The following USP30 variants were observed in gnomAD, a reference collection of about 807,000 sequenced individuals.
The protein encoded by USP30 is ubiquitin specific peptidase 30.
In USP30, 41 loss-of-function variants were observed where a neutral mutation model predicts 68.2. The observed-to-expected ratio is 0.60, with a 90% confidence interval of 0.47 to 0.78. The LOEUF (loss-of-function observed/expected upper bound fraction) is 0.78. Ranked by LOEUF, USP30 falls within the 30% of genes least tolerant of loss-of-function variation. The pLI, the probability that USP30 is intolerant of heterozygous loss-of-function variation, is 0.00. For missense variants in USP30, 522 were observed against 649.4 expected (o/e 0.80, Z 2.13); for synonymous variants, 229 against 253.7 (o/e 0.90, Z 0.93).
chr12:109,058,229 A>G (rs767353367), intron 3 of USP30, 121 bp downstream of exon 3: 10 of 1,118,578 alleles, frequency 8.9e-6, no homozygotes, highest in Admixed American at 7.9e-5. Context: ...ATCATTATGA[A>G]TAAACAACAC....
chr12:109,082,051 C>T, intron 9 of USP30, 32 bp downstream of exon 9: 1 of 1,610,154 alleles, frequency 6.2e-7, no homozygotes, highest in Non-Finnish European at 8.5e-7. Flanking sequence ...TCATCGCCAG[C>T]TGGCCTGTGT....
At chr12:109,067,496 A>G (rs372272675) in intron 3 of USP30, 28 bp from the exon 4 acceptor site, 43 of 1,592,094 alleles carry the variant, frequency 2.7e-5, no homozygotes, top group Non-Finnish European at 3.4e-5. Context: ...GATGAATTTA[A>G]TAATTGTCTT....
In USP30 at chr12:109,083,026, C is replaced by A. The variant is rs1335667410; in HGVS notation, c.1132C>A (p.Leu378Met). Residue 378 changes from leucine (L) to methionine (M), a missense_variant, in exon 11 of 13, where the codon CTG becomes ATG. By Grantham distance (15) the Leu-to-Met change is conservative. Transcript: ENST00000257548. The part of the protein sequence containing the change: ...PKLNKNPGPT[L>M]ELQDGPGAPT... ...ACTGAACAAGAACCCAGGGCCTACA[C>A]TGGAGCTGCAGGATGGGCCGGGAGC... The A allele has an allele frequency of 6.2e-7, 1 of 1,613,346 alleles. No individual in the cohort carries two copies. Among genetic ancestry groups the A allele is most frequent in the Admixed American group, 1.7e-5 (1 of 59,932 alleles).
At position 109,067,275 on chromosome 12, in the gene USP30, G is replaced by A. The variant is rs373924577; in HGVS notation, c.377-249G>A. The stretch of plus-strand genomic sequence containing the variant: ...ACTACAGGCACCCACCACCACGCCC[G>A]GCTAATTTTTTTTTTTTATTTTTAG... On this transcript the variant is annotated intron_variant, in intron 3 of 12. Transcript: ENST00000257548. 4.8e-3 allele frequency among the ~76,000 whole-genome samples: 544 copies of A among 114,130 alleles called. 6 individuals carry two copies. The highest frequency in any genetic ancestry group is 0.013 in the African/African-American group (511 of 38,544). 74.9% of individuals were successfully genotyped at this position (114,130 alleles called of 152,430 possible).
Position 109,057,892 on chromosome 12 carries a change from T to C in USP30, c.194-34T>C, listed in dbSNP as rs745397830. On this transcript the variant is annotated intron_variant, in intron 2 of 12. Coordinates refer to ENST00000257548, the MANE Select transcript of USP30 (RefSeq NM_032663.5). ...GGAGAGAAATTGATCAAATGTGATA[T>C]ACTGTTCTCTTCTTCCCCCTGCTTT... is the stretch of plus-strand genomic sequence containing the variant. The C allele has an allele frequency of 6.9e-6, 11 of 1,598,748 alleles. No individual in the cohort carries two copies. The East Asian group carries it at 1.8e-4, about 26-fold the overall frequency.
chr12:109,067,638 C>T lies in USP30; in HGVS notation c.480+11C>T, dbSNP rs1038172219. On this transcript the variant is annotated intron_variant, in intron 4 of 12. Transcript: ENST00000257548. ...TCATTTGAAGAACAGGTGAGTACAA[C>T]ATTTGAACAGGTTTAGCTTGGAGAA... 1.1e-5 allele frequency: 17 copies of T among 1,611,198 alleles called. No homozygotes were observed. In the South Asian group the frequency reaches 1.8e-4, roughly 17 times the overall value.
chr12:109,062,585 C>T (rs1268668315), intron 3 of USP30, among the ~76,000 whole-genome samples: 2 of 152,092 alleles, frequency 1.3e-5, no homozygotes, highest in Non-Finnish European at 2.9e-5. Flanking sequence ...GCCTTGGCCT[C>T]CCAAAGTGCT....
At chr12:109,075,552 A>G (rs2041575082) in intron 7 of USP30, among the ~76,000 whole-genome samples, 1 of 152,192 alleles carries the variant, frequency 6.6e-6, no homozygotes, top group African/African-American at 2.4e-5. Flanking sequence ...GGGTTTCACC[A>G]TATTGGCCAG....
upstream of USP30, among the ~76,000 whole-genome samples, chr12:109,051,369 G>A (rs112696760): frequency 0.032 from 4,561 of 142,386 alleles, 222 homozygotes; most frequent in African/African-American, 0.11. Flanking sequence ...CGATTCTCCC[G>A]CCTCAGCCTC....
At chr12:109,032,807 GC>G (rs1254347895) in intron 3 of USP30, among the ~76,000 whole-genome samples, 4 of 152,194 alleles carry the variant, frequency 2.6e-5, no homozygotes, top group African/African-American at 9.7e-5. Flanking sequence ...GCTGCCTCCA[GC>G]CCACCACATT....
At position 109,055,374 on chromosome 12, in the gene USP30, A is replaced by T. The variant is rs555147365; in HGVS notation, c.84-1308A>T. Among the ~76,000 whole-genome samples the T allele has an allele frequency of 2.0e-3, 121 of 61,352 alleles. 2 individuals are homozygous for T. The highest frequency in any genetic ancestry group is 3.4e-3 in the Non-Finnish European group (105 of 31,224). The allele number at this position is 61,352 out of a possible 152,430, so 40.2% of individuals were successfully genotyped here. On this transcript the variant is annotated intron_variant, in intron 1 of 12. Transcript: ENST00000257548. ...TATATATATATACACACACACATAT[A>T]TATACATATATATATATATATATAT...
intron 4 of USP30, among the ~76,000 whole-genome samples, chr12:109,071,052 A>G (rs55741498): frequency 0.026 from 3,893 of 152,288 alleles, 78 homozygotes; most frequent in Non-Finnish European, 0.04. Context: ...GTATGATTCC[A>G]CTTGTGTGAG....
At chr12:109,065,790 C>T (rs1329087059) in intron 3 of USP30, among the ~76,000 whole-genome samples, 8 of 152,220 alleles carry the variant, frequency 5.3e-5, no homozygotes, top group Non-Finnish European at 7.3e-5. Flanking sequence ...AGTGGCCATG[C>T]GCCAGAGAAG....
chr12:109,031,794 G>T (rs569250906), intron 3 of USP30, among the ~76,000 whole-genome samples: 1 of 152,324 alleles, frequency 6.6e-6, no homozygotes, highest in African/African-American at 2.4e-5. Context: ...GGTCTCAAAA[G>T]TAGTCACTCA....
Position 109,085,746 on chromosome 12 carries a change from C to T in USP30, c.1369C>T (p.Arg457Ter), listed in dbSNP as rs868346012. The T allele has an allele frequency of 4.3e-6, 7 of 1,614,096 alleles. No homozygotes were observed. Among genetic ancestry groups the T allele is most frequent in the South Asian group, 2.2e-5 (2 of 91,084 alleles). Residue 457 changes from arginine (R) to a stop codon, truncating the protein, a stop_gained, in exon 13 of 13, where the codon CGA becomes TGA. Coordinates refer to ENST00000257548, the MANE Select transcript of USP30 (RefSeq NM_032663.5). LOFTEE classifies it high-confidence loss of function. ...DMHSGHFVTY[R>*]RSPPSARNPL... Reference sequence around the variant, plus strand: ...GCACTCTGGACACTTTGTCACTTACCGACGGTCCCCACCTTCTGCCAGGAA... The same window carrying T: ...GCACTCTGGACACTTTGTCACTTACTGACGGTCCCCACCTTCTGCCAGGAA...
At chr12:109,049,371 A>C (rs1593228859), upstream of USP30, among the ~76,000 whole-genome samples, 1 of 152,052 alleles carries the variant, frequency 6.6e-6, no homozygotes, top group South Asian at 2.1e-4. Flanking sequence ...GAGAGGGGGG[A>C]ACAGCCAGTC....
At chr12:109,079,325 T>C (rs2041710265) in intron 7 of USP30, among the ~76,000 whole-genome samples, 1 of 148,286 alleles carries the variant, frequency 6.7e-6, no homozygotes, top group African/African-American at 2.5e-5. Flanking sequence ...TTTCTCTTTT[T>C]TTCTTTTCTT....
rs1219559661 is a variant in USP30 at position 109,055,398 on chromosome 12, ATATTT to A, written c.84-1282_84-1278del. Among the ~76,000 whole-genome samples the A allele has an allele frequency of 3.3e-4, 10 of 30,346 alleles. 1 individual carries two copies. Among genetic ancestry groups the A allele is most frequent in the African/African-American group, 9.7e-4 (10 of 10,354 alleles). The allele number at this position is 30,346 out of a possible 152,430, so 19.9% of individuals were successfully genotyped here. A position where few individuals can be genotyped will look rare whatever the true frequency, so the allele number is the denominator to read the frequency against. Reference sequence around the variant, plus strand: ...TATATACATATATATATATATATATATATTTTTTTTTTTTTTTTTTTTGAGGCAGA... The same window carrying A: ...TATATACATATATATATATATATATATTTTTTTTTTTTTTTTTGAGGCAGA... On this transcript the variant is annotated intron_variant, in intron 1 of 12. Transcript: ENST00000257548.
At chr12:109,064,846 T>C (rs151169252) in intron 3 of USP30, among the ~76,000 whole-genome samples, 4 of 149,824 alleles carry the variant, frequency 2.7e-5, no homozygotes, top group African/African-American at 9.8e-5. Context: ...AAAGGAGGCA[T>C]TAAAATTTTC....
Sources: allele counts gnomAD v4.1 joint callset (sites outside exome capture counted in the v4.1 genomes callset), GRCh38; gene constraint gnomAD v4.1.1; transcripts MANE v1.5; gene names NCBI Gene and HGNC (gene_info 2026-07-23, HGNC 2026-07-21).